The following ROBO1 variants were observed in gnomAD, a reference collection of about 807,000 sequenced individuals.
ROBO1 encodes the protein roundabout homolog 1.
Under a neutral mutation model 195.9 loss-of-function variants are expected in ROBO1, and 149 were observed. That is an observed-to-expected ratio of 0.76 (90% CI 0.67 to 0.87). The LOEUF (loss-of-function observed/expected upper bound fraction) is 0.87. Ranked by LOEUF, ROBO1 falls within the 40% of genes least tolerant of loss-of-function variation. ROBO1 has a pLI of 0.00. For synonymous variants in ROBO1, 816 were observed against 733.2 expected, an observed-to-expected ratio of 1.11 and a Z score of -1.82; for missense variants, 1,933 against 2,068.3, an observed-to-expected ratio of 0.93 and a Z score of 1.27.
chr3:78,978,950 G>A (rs1386480832), intron 3 of ROBO1, among the ~76,000 whole-genome samples: 1 of 152,186 alleles, frequency 6.6e-6, no homozygotes. Context: ...CTTCAGGGCA[G>A]AAGTATTTAT....
intron 3 of ROBO1, among the ~76,000 whole-genome samples, chr3:79,094,531 G>T (rs2079532349): frequency 6.6e-6 from 1 of 152,212 alleles, no homozygotes; most frequent in Non-Finnish European, 1.5e-5. Context: ...GAATTATCAA[G>T]CTTCATCTTC....
intron 2 of ROBO1, among the ~76,000 whole-genome samples, chr3:79,338,792 C>T (rs115412719): frequency 4.5e-4 from 69 of 152,200 alleles, no homozygotes; most frequent in African/African-American, 1.3e-3. Flanking sequence ...AAATACTATG[C>T]GTATTGATGG....
intron 4 of ROBO1, among the ~76,000 whole-genome samples, chr3:78,879,156 T>C (rs1576334032): frequency 6.6e-6 from 1 of 152,220 alleles, no homozygotes; most frequent in African/African-American, 2.4e-5. Context: ...TTATGCTAAG[T>C]TGGACTTAAT....
intron 1 of ROBO1, among the ~76,000 whole-genome samples, chr3:79,618,067 C>T (rs1576125338): frequency 6.7e-6 from 1 of 150,198 alleles, no homozygotes; most frequent in Admixed American, 6.6e-5. Flanking sequence ...TCCAGTCACA[C>T]AAAAATAAAG....
intron 4 of ROBO1, among the ~76,000 whole-genome samples, chr3:78,897,646 C>T (rs528081821): frequency 6.9e-6 from 1 of 144,888 alleles, no homozygotes; most frequent in Non-Finnish European, 1.5e-5. Flanking sequence ...TATTATAGTG[C>T]ACTATAAATT....
At chr3:78,856,387 A>G (rs1244006062) in intron 4 of ROBO1, among the ~76,000 whole-genome samples, 1 of 151,960 alleles carries the variant, frequency 6.6e-6, no homozygotes, top group Non-Finnish European at 1.5e-5. Context: ...AGAAGACTAT[A>G]GACGCTATCT....
At chr3:79,092,450 A>G (rs2079495592) in intron 3 of ROBO1, among the ~76,000 whole-genome samples, 2 of 152,174 alleles carry the variant, frequency 1.3e-5, no homozygotes, top group African/African-American at 2.4e-5. Flanking sequence ...GAAGTCTAGG[A>G]AAAAGATATA....
intron 4 of ROBO1, among the ~76,000 whole-genome samples, chr3:78,799,269 C>A (rs973316728): frequency 6.6e-6 from 1 of 151,782 alleles, no homozygotes; most frequent in Non-Finnish European, 1.5e-5. Context: ...TTTTGGCCTG[C>A]TTTTATATTC....
At chr3:79,495,134 G>A (rs1008651155) in intron 2 of ROBO1, among the ~76,000 whole-genome samples, 3 of 152,096 alleles carry the variant, frequency 2.0e-5, no homozygotes, top group African/African-American at 7.2e-5. Context: ...ACTATATTTA[G>A]TAGATGAGTA....
In ROBO1 at chr3:78,627,451, A is replaced by G. The variant is rs766039231; in HGVS notation, c.3745T>C (p.Ser1249Pro). 5.6e-6 allele frequency: 9 copies of G among 1,613,110 alleles called. No homozygotes were observed. The highest frequency in any genetic ancestry group is 7.6e-6 in the Non-Finnish European group (9 of 1,179,598). Residue 1249 changes from serine (S) to proline (P), a missense_variant, in exon 26 of 31, where the codon TCT becomes CCT. Transcript: ENST00000464233. Reference sequence around the variant, plus strand: ...TGGCTATAGGACACGGCAGCTGGAGAAGAAGCTGCTCCCCGAACAGGGGGA... The same window carrying G: ...TGGCTATAGGACACGGCAGCTGGAGGAGAAGCTGCTCCCCGAACAGGGGGA... Reference protein sequence around the residue: ...PTPPVRGAASSPAAVSYSHQS... With the variant: ...PTPPVRGAASPPAAVSYSHQS...
At chr3:79,422,052 A>T (rs933882809) in intron 2 of ROBO1, among the ~76,000 whole-genome samples, 1 of 148,964 alleles carries the variant, frequency 6.7e-6, no homozygotes. Context: ...GTTAAAATGT[A>T]TATTTTATAT....
intron 10 of ROBO1, among the ~76,000 whole-genome samples, chr3:78,682,822 A>G (rs2080958383): frequency 6.6e-6 from 1 of 150,722 alleles, no homozygotes; most frequent in Non-Finnish European, 1.5e-5. Context: ...TTGAATGTAC[A>G]GTTGACTTTT....
chr3:79,763,508 G>C (rs1336148739), intron 1 of ROBO1, among the ~76,000 whole-genome samples: 1 of 152,108 alleles, frequency 6.6e-6, no homozygotes, highest in South Asian at 2.1e-4. Flanking sequence ...TAGACAAATG[G>C]ATAGGGTTTG....
intron 2 of ROBO1, among the ~76,000 whole-genome samples, chr3:79,466,477 G>A (rs565686215): frequency 6.6e-6 from 1 of 152,250 alleles, no homozygotes; most frequent in East Asian, 1.9e-4. Context: ...AGTTAAATGA[G>A]CTAGCTTTTT....
intron 5 of ROBO1, among the ~76,000 whole-genome samples, chr3:78,718,812 G>C (rs1352950699): frequency 7.7e-6 from 1 of 129,538 alleles, no homozygotes; most frequent in Non-Finnish European, 1.6e-5. Flanking sequence ...GGAAGGGAGG[G>C]AGGGAGAGAG....
intron 3 of ROBO1, among the ~76,000 whole-genome samples, chr3:79,009,884 C>A (rs2077732421): frequency 6.6e-6 from 1 of 152,160 alleles, no homozygotes; most frequent in African/African-American, 2.4e-5. Flanking sequence ...ATTCTATTTT[C>A]TCTCTAAGGA....
chr3:78,661,241 A>T lies in ROBO1; in HGVS notation c.2109T>A (p.Tyr703Ter). ...VHWTVDQQSQ[Y>*]IQGYKILYRP... ...GATAGAGAATTTTATATCCTTGTAT[A>T]TACTGAGACTGTTGATCTACCTATT... Residue 703 changes from tyrosine to a stop codon, truncating the protein, a stop_gained, in exon 16 of 31, where the codon TAT (tyrosine) becomes TAA (stop). Transcript: ENST00000464233. LOFTEE classifies it high-confidence loss of function. 1 of 1,583,758 alleles carries T rather than the reference A, an allele frequency of 6.3e-7. No individual in the cohort carries two copies. Among genetic ancestry groups the T allele is most frequent in the Non-Finnish European group, 8.6e-7 (1 of 1,162,038 alleles).
At chr3:78,959,974 G>T (rs920050506) in intron 3 of ROBO1, among the ~76,000 whole-genome samples, 3 of 152,060 alleles carry the variant, frequency 2.0e-5, no homozygotes, top group Non-Finnish European at 4.4e-5. Context: ...TAAATTGTAA[G>T]ATTGAAAAAA....
In ROBO1 at chr3:79,500,925, ACT is replaced by A. The variant is rs566671082; in HGVS notation, c.88+88897_88+88898del. 5.5e-4 allele frequency among the ~76,000 whole-genome samples: 84 copies of A among 151,642 alleles called. No homozygotes were observed. In the South Asian group the frequency reaches 0.014, roughly 26 times the overall value. ...GTTGGCATATTCAGAATATAACCTA[ACT>A]CTCTTTCTCTCTCTCTCTCTCACAT... On this transcript the variant is annotated intron_variant, in intron 2 of 30. Transcript: ENST00000464233.
Sources: gnomAD v4.1 joint callset for allele counts (sites outside exome capture counted in the v4.1 genomes callset) on GRCh38, gnomAD v4.1.1 for gene constraint, MANE v1.5 for transcripts, NCBI Gene and HGNC (gene_info 2026-07-23, HGNC 2026-07-21) for gene names.